GRIK3: variants seen among roughly 807,000 people sequenced by gnomAD.
The protein encoded by GRIK3 is glutamate receptor ionotropic, kainate 3.
A neutral mutation model predicts 102.5 loss-of-function variants in GRIK3; 29 were observed. The ratio of observed to expected loss-of-function variants is 0.28; its 90% CI spans 0.21 to 0.39. The LOEUF is 0.39. GRIK3 is among the 10% of genes least tolerant of loss of function. GRIK3 has a pLI of 1.00. For synonymous variants in GRIK3, 511 were observed against 504.9 expected (o/e 1.01, Z -0.16); for missense variants, 908 against 1,252.4 (o/e 0.73, Z 4.15).
At chr1:36,807,636 T>G (rs577244864) in intron 13 of GRIK3, among the ~76,000 whole-genome samples, 1 of 152,182 alleles carries the variant, frequency 6.6e-6, no homozygotes, top group South Asian at 2.1e-4. Flanking sequence ...ATTCTCCAGG[T>G]GCTTCCTAGA....
chr1:36,851,294 T>G (rs1640581914), intron 8 of GRIK3, among the ~76,000 whole-genome samples: 1 of 152,230 alleles, frequency 6.6e-6, no homozygotes, highest in African/African-American at 2.4e-5. Context: ...AAGCCACCGG[T>G]TGGAGCTGGC....
At chr1:36,885,405 T>C (rs1641027362) in intron 2 of GRIK3, among the ~76,000 whole-genome samples, 1 of 152,030 alleles carries the variant, frequency 6.6e-6, no homozygotes, top group Non-Finnish European at 1.5e-5. Flanking sequence ...GTAGTGTTGG[T>C]GGTGCTGATA....
intron 1 of GRIK3, among the ~76,000 whole-genome samples, chr1:37,010,216 G>C (rs1448364095): frequency 6.6e-6 from 1 of 152,212 alleles, no homozygotes; most frequent in East Asian, 1.9e-4. Context: ...TCCTTGCTCA[G>C]CTGCAAATTA....
At position 36,802,103 on chromosome 1, in the gene GRIK3, G is replaced by T. The variant is rs1322712707; in HGVS notation, c.2566-58C>A. 7 of 1,256,296 alleles carry T rather than the reference G, an allele frequency of 5.6e-6. No homozygotes were observed. The African/African-American group carries it at 8.9e-5, about 16-fold the overall frequency. 77.8% of individuals were successfully genotyped at this position (1,256,296 alleles called of 1,614,324 possible). On this transcript the variant is annotated intron_variant, in intron 15 of 15. Transcript: ENST00000373091. The stretch of plus-strand genomic sequence containing the variant: ...GGGGCACAGAGTGATGCCCGGTCTT[G>T]CAACTCCAGCCAGTTCCTCCCCTTT...
At chr1:36,926,242 GT>G (rs1490429149) in intron 1 of GRIK3, among the ~76,000 whole-genome samples, 1 of 152,180 alleles carries the variant, frequency 6.6e-6, no homozygotes, top group African/African-American at 2.4e-5. Flanking sequence ...CTGAGCAGTG[GT>G]TAGCACCACA....
At chr1:36,906,123 A>C (rs1641281759) in intron 1 of GRIK3, among the ~76,000 whole-genome samples, 1 of 152,202 alleles carries the variant, frequency 6.6e-6, no homozygotes, top group East Asian at 1.9e-4. Context: ...TGGGATACCA[A>C]AAGAAGTCAG....
chr1:36,866,176 AG>A (rs1640782388), intron 5 of GRIK3, among the ~76,000 whole-genome samples: 1 of 152,252 alleles, frequency 6.6e-6, no homozygotes, highest in Non-Finnish European at 1.5e-5. Flanking sequence ...CACAATGTCC[AG>A]CCCTAAAATC....
intron 1 of GRIK3, among the ~76,000 whole-genome samples, chr1:36,984,957 C>T (rs1156770450): frequency 1.3e-5 from 2 of 152,192 alleles, no homozygotes; most frequent in African/African-American, 2.4e-5. Flanking sequence ...CCAGCTCAGG[C>T]TGGGATGTGG....
intron 1 of GRIK3, among the ~76,000 whole-genome samples, chr1:37,032,092 T>A (rs1011415493): frequency 2.0e-5 from 3 of 152,220 alleles, no homozygotes; most frequent in African/African-American, 7.2e-5. Flanking sequence ...GGCTCTGCCA[T>A]CCTTTAATTT....
chr1:36,986,198 G>A (rs1326565085), intron 1 of GRIK3, among the ~76,000 whole-genome samples: 3 of 152,196 alleles, frequency 2.0e-5, no homozygotes. Context: ...GACAGCCACT[G>A]TAGAAAGCTG....
At chr1:36,821,665 T>G (rs1642696983) in intron 11 of GRIK3, among the ~76,000 whole-genome samples, 1 of 152,220 alleles carries the variant, frequency 6.6e-6, no homozygotes, top group Non-Finnish European at 1.5e-5. Flanking sequence ...CAGGCCGACT[T>G]TGACTCCCAT....
chr1:36,887,259 C>T (rs1641047765), intron 2 of GRIK3, among the ~76,000 whole-genome samples: 1 of 152,138 alleles, frequency 6.6e-6, no homozygotes, highest in Non-Finnish European at 1.5e-5. Context: ...GAGAAAATAT[C>T]TTCATAACCT....
intron 1 of GRIK3, among the ~76,000 whole-genome samples, chr1:36,930,118 A>G (rs1461036839): frequency 1.1e-4 from 17 of 152,222 alleles, no homozygotes; most frequent in Admixed American, 1.0e-3. Flanking sequence ...TGTCAGTCCC[A>G]TTATATTTTA....
At chr1:36,939,026 G>A (rs1422800547) in intron 1 of GRIK3, among the ~76,000 whole-genome samples, 1 of 152,162 alleles carries the variant, frequency 6.6e-6, no homozygotes, top group Non-Finnish European at 1.5e-5. Context: ...TTGAGTCCTT[G>A]GCTCTGGCTG....
chr1:36,928,381 C>T (rs1016985397), intron 1 of GRIK3, among the ~76,000 whole-genome samples: 42 of 152,312 alleles, frequency 2.8e-4, no homozygotes, highest in African/African-American at 9.6e-4. Flanking sequence ...CACCTTTCAT[C>T]GTGGCTGCCC....
At chr1:36,901,041 A>G (rs2124282846) in intron 1 of GRIK3, among the ~76,000 whole-genome samples, 1 of 152,370 alleles carries the variant, frequency 6.6e-6, no homozygotes, top group East Asian at 1.9e-4. Context: ...AATTGAATTA[A>G]TAATAAACCT....
intron 10 of GRIK3, 53 bp from the exon 11 acceptor site, chr1:36,825,879 C>T (rs182599237): frequency 3.3e-5 from 43 of 1,302,578 alleles, no homozygotes; most frequent in African/African-American, 2.0e-4. Context: ...CTCAGAATAG[C>T]GGGAGACAGA....
chr1:36,874,415 T>C (rs917280815), intron 3 of GRIK3, among the ~76,000 whole-genome samples: 38 of 152,262 alleles, frequency 2.5e-4, no homozygotes, highest in African/African-American at 8.9e-4. Flanking sequence ...CTCAAACCCA[T>C]GTGCTGGAGT....
chr1:36,841,997 C>T, intron 9 of GRIK3, 58 bp from the exon 10 acceptor site: 1 of 1,403,930 alleles, frequency 7.1e-7, no homozygotes, highest in Non-Finnish European at 1.0e-6. Flanking sequence ...CGGAGGCAGG[C>T]TTGCACTGGA....
Sources: allele counts gnomAD v4.1 joint callset (sites outside exome capture counted in the v4.1 genomes callset), GRCh38; gene constraint gnomAD v4.1.1; transcripts MANE v1.5; gene names NCBI Gene and HGNC (gene_info 2026-07-23, HGNC 2026-07-21).